The following GREB1L variants were observed in gnomAD, a reference collection of about 807,000 sequenced individuals.
The protein encoded by GREB1L is GREB1-like protein.
GREB1L carries 17 observed loss-of-function variants against 200.8 expected under a neutral mutation model. That is an observed-to-expected ratio of 0.08 (90% CI 0.06 to 0.13). The LOEUF (loss-of-function observed/expected upper bound fraction) is 0.13, where lower values mean the gene tolerates loss of function less well. GREB1L is among the 10% of genes least tolerant of loss of function. The pLI, the probability that GREB1L is intolerant of heterozygous loss-of-function variation, is 1.00. For synonymous variants in GREB1L, 789 were observed against 893.0 expected (o/e 0.88, Z 2.08); for missense variants, 1,657 against 2,367.7 (o/e 0.70, Z 6.23).
At chr18:21,400,185 T>C (rs1421505777) in intron 5 of GREB1L, among the ~76,000 whole-genome samples, 1 of 152,084 alleles carries the variant, frequency 6.6e-6, no homozygotes, top group Non-Finnish European at 1.5e-5. Context: ...CTCTGTGTAT[T>C]AAGGGGGATG....
rs751150056 is a variant in GREB1L at position 21,267,189 on chromosome 18, C to CTTT, written c.-120+24815_-120+24817dup. Among the ~76,000 whole-genome samples, 15 of 108,738 alleles carry CTTT rather than the reference C, an allele frequency of 1.4e-4. 1 individual carries two copies. The highest frequency in any genetic ancestry group is 2.8e-4 in the East Asian group (1 of 3,584). 71.3% of individuals were successfully genotyped at this position (108,738 alleles called of 152,430 possible). On this transcript the variant is annotated intron_variant, in intron 1 of 32. Coordinates refer to ENST00000424526, the MANE Select transcript of GREB1L (RefSeq NM_001142966.3). The stretch of plus-strand genomic sequence containing the variant: ...CCTCGTGATCTGCCTGCCTCGGCCG[C>CTTT]TTTTTTTTTTTTTTTTTTTTTGAGA...
At chr18:21,260,055 T>C (rs2037865428) in intron 1 of GREB1L, among the ~76,000 whole-genome samples, 1 of 152,016 alleles carries the variant, frequency 6.6e-6, no homozygotes, top group Non-Finnish European at 1.5e-5. Context: ...CTTCAGACTA[T>C]GTTTAAAGCA....
At position 21,245,437 on chromosome 18, in the gene GREB1L, A is replaced by G. The variant is rs534597274; in HGVS notation, c.-120+3044A>G. Among the ~76,000 whole-genome samples the G allele has an allele frequency of 7.1e-4, 108 of 152,326 alleles. 2 individuals carry two copies. In the South Asian group the frequency reaches 0.021, roughly 30 times the overall value. On this transcript the variant is annotated intron_variant, in intron 1 of 32. Transcript: ENST00000424526. Reference sequence around the variant, plus strand: ...TGACAGAAACAAAAGAAAATTCAATACCAGTAGTGAAATTCTTCAAAATGG... The same window carrying G: ...TGACAGAAACAAAAGAAAATTCAATGCCAGTAGTGAAATTCTTCAAAATGG...
At chr18:21,373,227 A>G (rs1274803381) in intron 2 of GREB1L, among the ~76,000 whole-genome samples, 1 of 152,158 alleles carries the variant, frequency 6.6e-6, no homozygotes, top group Non-Finnish European at 1.5e-5. Context: ...TCCATTATAA[A>G]GTTCCCTATC....
intron 1 of GREB1L, among the ~76,000 whole-genome samples, chr18:21,271,127 C>A (rs889123770): frequency 6.6e-6 from 1 of 152,164 alleles, no homozygotes; most frequent in African/African-American, 2.4e-5. Context: ...TAGATGATGA[C>A]AAACAATGAA....
chr18:21,403,811 C>T (rs1034803342), intron 6 of GREB1L, 61 bp from the exon 7 acceptor site: 31 of 1,414,858 alleles, frequency 2.2e-5, no homozygotes, highest in Non-Finnish European at 3.0e-5. Context: ...ATTGCGTCCC[C>T]ATCACCTGTT....
intron 31 of GREB1L, among the ~76,000 whole-genome samples, chr18:21,519,918 ACTGT>A (rs1359061277): frequency 8.1e-5 from 12 of 148,456 alleles, no homozygotes; most frequent in Admixed American, 2.0e-4. Flanking sequence ...AAATTCATGC[ACTGT>A]CTTTTTTTTT....
Position 21,490,139 on chromosome 18 carries a change from A to G in GREB1L, c.2818A>G (p.Met940Val). The G allele has an allele frequency of 6.4e-7, 1 of 1,551,820 alleles. No homozygotes were observed. The highest frequency in any genetic ancestry group is 8.7e-7 in the Non-Finnish European group (1 of 1,147,012). ...CAGCACACCAGAAACACTCAGCATTATGGATGACCTCATCAGCTCCCCAGG... is the reference window on the plus strand; with the variant it reads ...CAGCACACCAGAAACACTCAGCATTGTGGATGACCTCATCAGCTCCCCAGG... ...DHSTPETLSIMDDLISSPGKN... is the reference protein window; with the variant it reads ...DHSTPETLSIVDDLISSPGKN... The change falls in exon 19 of 33, where the codon ATG becomes GTG. Residue 940 changes from methionine (M) to valine (V), a missense_variant. This residue lies in a region of GREB1L where 82 missense variants were observed against 95.9 expected (regional missense o/e 0.85). Coordinates refer to ENST00000424526, the MANE Select transcript of GREB1L (RefSeq NM_001142966.3).
chr18:21,441,668 G>A (rs1161796498), intron 10 of GREB1L, 131 bp downstream of exon 10: 2 of 876,654 alleles, frequency 2.3e-6, no homozygotes, highest in African/African-American at 1.7e-5. Context: ...TTATTGGTCA[G>A]CTCTTTCATG....
At chr18:21,439,835 A>AAT (rs2145237305) in intron 8 of GREB1L, among the ~76,000 whole-genome samples, 198 bp downstream of exon 8, 1 of 152,362 alleles carries the variant, frequency 6.6e-6, no homozygotes, top group Admixed American at 6.5e-5. Flanking sequence ...CTAACTGGGA[A>AAT]ATAATGTTGA....
intron 1 of GREB1L, among the ~76,000 whole-genome samples, chr18:21,361,799 T>C (rs180736019): frequency 6.6e-6 from 1 of 152,306 alleles, no homozygotes; most frequent in African/African-American, 2.4e-5. Flanking sequence ...AGCATGCATA[T>C]TGATTCTATT....
chr18:21,452,389 T>C (rs1389787001), intron 14 of GREB1L, 172 bp downstream of exon 14: 1 of 630,900 alleles, frequency 1.6e-6, no homozygotes, highest in East Asian at 2.9e-5. Context: ...CCATGTGGCC[T>C]GGATCAAAGG....
intron 23 of GREB1L, among the ~76,000 whole-genome samples, chr18:21,504,214 A>G (rs1180354073): frequency 6.6e-6 from 1 of 152,114 alleles, no homozygotes; most frequent in Non-Finnish European, 1.5e-5. Context: ...GTGAGCCACC[A>G]TGTCCAGCGT....
intron 1 of GREB1L, among the ~76,000 whole-genome samples, chr18:21,269,754 A>C (rs1397979042): frequency 6.6e-6 from 1 of 152,220 alleles, no homozygotes; most frequent in Non-Finnish European, 1.5e-5. Context: ...GGCTTTAGTA[A>C]AAACTCAGTT....
Position 21,501,967 on chromosome 18 carries a change from C to T in GREB1L, c.4072+1325C>T, listed in dbSNP as rs116515586. Among the ~76,000 whole-genome samples, 1,091 of 152,276 alleles carry T rather than the reference C, an allele frequency of 7.2e-3. 14 individuals are homozygous for T. Among genetic ancestry groups the T allele is most frequent in the African/African-American group, 0.025 (1,027 of 41,564 alleles). On this transcript the variant is annotated intron_variant, in intron 23 of 32. Coordinates refer to ENST00000424526, the MANE Select transcript of GREB1L (RefSeq NM_001142966.3). ...CTCTGCCGCTAAGAGCAGTGTGGCTCGGCTCGGCACTGGCACGGTGCAGTA... is the reference window on the plus strand; with the variant it reads ...CTCTGCCGCTAAGAGCAGTGTGGCTTGGCTCGGCACTGGCACGGTGCAGTA...
At chr18:21,294,036 C>T (rs1420555038) in intron 1 of GREB1L, among the ~76,000 whole-genome samples, 1 of 152,120 alleles carries the variant, frequency 6.6e-6, no homozygotes, top group Non-Finnish European at 1.5e-5. Flanking sequence ...CCCACCTCAG[C>T]CTTCCAAAGT....
intron 21 of GREB1L, among the ~76,000 whole-genome samples, chr18:21,497,971 G>A (rs1311905556): frequency 2.0e-5 from 3 of 151,428 alleles, no homozygotes; most frequent in Non-Finnish European, 2.9e-5. Flanking sequence ...ACAGGCACCC[G>A]CCACCGCACC....
At chr18:21,391,582 G>A (rs2040809105) in intron 4 of GREB1L, among the ~76,000 whole-genome samples, 1 of 152,220 alleles carries the variant, frequency 6.6e-6, no homozygotes, top group Non-Finnish European at 1.5e-5. Flanking sequence ...TGGTGGTTGA[G>A]TATTTGGCCT....
intron 15 of GREB1L, among the ~76,000 whole-genome samples, chr18:21,461,303 T>G (rs1303389023): frequency 6.6e-6 from 1 of 151,990 alleles, no homozygotes; most frequent in African/African-American, 2.4e-5. Context: ...CTCTCATTGC[T>G]TCAACTTTTT....
Sources: allele counts gnomAD v4.1 joint callset (sites outside exome capture counted in the v4.1 genomes callset), GRCh38; gene constraint gnomAD v4.1.1; regional missense constraint gnomAD v4.1.1; transcripts MANE v1.5; gene names NCBI Gene and HGNC (gene_info 2026-07-23, HGNC 2026-07-21).